Variants in KDM2A observed in about 807,000 individuals in gnomAD.
KDM2A encodes lysine-specific demethylase 2A.
A neutral mutation model predicts 137.3 loss-of-function variants in KDM2A; 3 were observed. The ratio of observed to expected loss-of-function variants is 0.02; its 90% CI spans 0.01 to 0.06. The LOEUF is 0.06. Ranked by LOEUF, KDM2A falls within the 10% of genes least tolerant of loss-of-function variation. KDM2A has a pLI of 1.00. For synonymous variants in KDM2A, 512 were observed against 541.5 expected (o/e 0.95, Z 0.76); for missense variants, 738 against 1,510.6 (o/e 0.49, Z 8.48).
intron 2 of KDM2A, among the ~76,000 whole-genome samples, chr11:67,123,233 C>G (rs1855639305): frequency 1.3e-5 from 2 of 150,442 alleles, no homozygotes; most frequent in Admixed American, 1.3e-4. Context: ...ACCTTGGCAT[C>G]CCAAAGTGCT....
intron 17 of KDM2A, 39 bp from the exon 18 acceptor site, chr11:67,252,655 C>G (rs943564495): frequency 2.1e-5 from 34 of 1,611,514 alleles, no homozygotes; most frequent in South Asian, 1.9e-4. Context: ...CTCCACTGAT[C>G]AAGTTAATGA....
intron 15 of KDM2A, among the ~76,000 whole-genome samples, chr11:67,247,065 ATATATATTTTT>A (rs1565424190): frequency 1.8e-4 from 5 of 27,580 alleles, no homozygotes; most frequent in Admixed American, 6.7e-4. Context: ...ATATATATAT[ATATATATTTTT>A]TTTTTTTTTT....
chr11:67,134,820 A>G (rs1024191423), intron 2 of KDM2A, among the ~76,000 whole-genome samples: 1 of 152,012 alleles, frequency 6.6e-6, no homozygotes, highest in Non-Finnish European at 1.5e-5. Flanking sequence ...TTTTAGATAA[A>G]TCTAACACAA....
intron 2 of KDM2A, among the ~76,000 whole-genome samples, chr11:67,165,737 T>A (rs1856726579): frequency 6.6e-6 from 1 of 152,146 alleles, no homozygotes; most frequent in African/African-American, 2.4e-5. Flanking sequence ...GTGACAAATT[T>A]CATGGTTTTT....
At chr11:67,161,702 A>G (rs866108774) in intron 2 of KDM2A, among the ~76,000 whole-genome samples, 4 of 152,164 alleles carry the variant, frequency 2.6e-5, no homozygotes, top group Non-Finnish European at 4.4e-5. Flanking sequence ...GGGGATATAC[A>G]CAAGGATTCT....
chr11:67,122,836 C>T (rs934371444), intron 2 of KDM2A, among the ~76,000 whole-genome samples: 1 of 151,758 alleles, frequency 6.6e-6, no homozygotes, highest in African/African-American at 2.4e-5. Flanking sequence ...CCACTACGCC[C>T]AGCTAATTTT....
chr11:67,204,358 C>T (rs1313251471), intron 5 of KDM2A, among the ~76,000 whole-genome samples: 1 of 152,128 alleles, frequency 6.6e-6, no homozygotes, highest in Non-Finnish European at 1.5e-5. Flanking sequence ...TCCGTTTTCT[C>T]CTCCACTTAA....
At chr11:67,221,589 A>G (rs1858351858) in intron 10 of KDM2A, among the ~76,000 whole-genome samples, 1 of 152,180 alleles carries the variant, frequency 6.6e-6, no homozygotes, top group South Asian at 2.1e-4. Flanking sequence ...AGTTACAGGA[A>G]TTGCCCTACT....
chr11:67,217,681 A>G (rs1858213060), intron 8 of KDM2A, 50 bp from the exon 9 acceptor site: 6 of 1,590,660 alleles, frequency 3.8e-6, no homozygotes, highest in African/African-American at 1.3e-5. Flanking sequence ...GAGGGAGACG[A>G]CTGGGTCATG....
At chr11:67,207,128 A>AGC (rs1359949686) in intron 5 of KDM2A, among the ~76,000 whole-genome samples, 1 of 152,222 alleles carries the variant, frequency 6.6e-6, no homozygotes, top group Non-Finnish European at 1.5e-5. Flanking sequence ...TCAGTAAGTA[A>AGC]GAGCTTGACT....
chr11:67,159,361 C>T (rs894000822), intron 2 of KDM2A, among the ~76,000 whole-genome samples: 1 of 152,280 alleles, frequency 6.6e-6, no homozygotes, highest in East Asian at 1.9e-4. Flanking sequence ...TTTAAAATGT[C>T]CTCCTTTCTG....
At chr11:67,237,934 T>G (rs1187009253) in intron 12 of KDM2A, among the ~76,000 whole-genome samples, 1 of 151,986 alleles carries the variant, frequency 6.6e-6, no homozygotes, top group East Asian at 1.9e-4. Flanking sequence ...AAAAAAAAAT[T>G]TATATCCTGT....
chr11:67,246,059 G>A lies in KDM2A; in HGVS notation c.1908G>A (p.Glu636=), dbSNP rs1261212402. The part of the protein sequence containing the change: ...VDQNEETQDF[E]KKLMECCICN... ...AGAATGAAGAGACACAAGACTTTGA[G>A]AAGAAACTCATGGAATGCTGTATCT... Residue 636 remains glutamate (E), a synonymous_variant, in exon 15 of 21, where the codon GAG becomes GAA. Coordinates refer to ENST00000529006, the MANE Select transcript of KDM2A (RefSeq NM_012308.3). The A allele has an allele frequency of 3.7e-6, 6 of 1,614,024 alleles. No individual in the cohort carries two copies. The Admixed American group carries it at 5.0e-5, about 13-fold the overall frequency.
chr11:67,194,397 G>A (rs1857431663), intron 5 of KDM2A, among the ~76,000 whole-genome samples: 1 of 152,130 alleles, frequency 6.6e-6, no homozygotes, highest in South Asian at 2.1e-4. Context: ...CTGAGGCGTA[G>A]GTCCTCCTGT....
chr11:67,180,493 G>A, intron 3 of KDM2A: 1 of 300,562 alleles, frequency 3.3e-6, no homozygotes, highest in South Asian at 8.0e-5. Context: ...TCTATCCCTT[G>A]GTTTAAATTT....
intron 5 of KDM2A, among the ~76,000 whole-genome samples, chr11:67,184,226 G>A (rs570873588): frequency 1.3e-5 from 2 of 152,126 alleles, no homozygotes; most frequent in Admixed American, 1.3e-4. Context: ...GGGTGCAGTG[G>A]CTCATGTCTG....
intron 5 of KDM2A, among the ~76,000 whole-genome samples, chr11:67,186,802 ATAT>A (rs1857217499): frequency 2.6e-5 from 4 of 152,324 alleles, no homozygotes; most frequent in South Asian, 2.1e-4. Flanking sequence ...GTATAGTGGT[ATAT>A]GCCTGTAATC....
chr11:67,174,977 C>T (rs77360881), intron 2 of KDM2A, among the ~76,000 whole-genome samples: 13,952 of 152,108 alleles, frequency 0.092, 941 homozygotes, highest in Admixed American at 0.13. Context: ...GCTAAAATCA[C>T]GTATATGAAA....
At chr11:67,154,443 CTTTT>C (rs1371631504) in intron 2 of KDM2A, among the ~76,000 whole-genome samples, 7 of 151,802 alleles carry the variant, frequency 4.6e-5, no homozygotes, top group Non-Finnish European at 8.8e-5. Context: ...TTCTTTCTTT[CTTTT>C]TTAAGACAGA....
Sources: gnomAD v4.1 joint callset for allele counts (sites outside exome capture counted in the v4.1 genomes callset) on GRCh38, gnomAD v4.1.1 for gene constraint, MANE v1.5 for transcripts, NCBI Gene and HGNC (gene_info 2026-07-23, HGNC 2026-07-21) for gene names.